The following TMEM67 variants were observed in gnomAD, a reference collection of about 807,000 sequenced individuals.
TMEM67 encodes transmembrane protein 67.
Under a neutral mutation model 136.6 loss-of-function variants are expected in TMEM67, and 124 were observed. The ratio of observed to expected loss-of-function variants is 0.91; its 90% CI spans 0.78 to 1.05. The LOEUF (loss-of-function observed/expected upper bound fraction) is 1.05. Among genes scored for constraint, TMEM67 ranks in the 50% least tolerant of loss-of-function variants. TMEM67 has a pLI of 0.00. For synonymous variants in TMEM67, 364 were observed against 390.5 expected (o/e 0.93, Z 0.80); for missense variants, 1,107 against 1,178.4 (o/e 0.94, Z 0.89).
At chr8:93,764,505 C>CACAT (rs917711747) in intron 4 of TMEM67, among the ~76,000 whole-genome samples, 1 of 144,646 alleles carries the variant, frequency 6.9e-6, no homozygotes, top group African/African-American at 2.5e-5. Flanking sequence ...TTGTGAAACA[C>CACAT]ACACACACAC....
chr8:93,792,329 G>A (rs1459100529), intron 15 of TMEM67, among the ~76,000 whole-genome samples: 3 of 151,798 alleles, frequency 2.0e-5, no homozygotes, highest in African/African-American at 4.8e-5. Flanking sequence ...ACACCACCAC[G>A]CCCAGCTAAT....
At chr8:93,810,302 T>G (rs1808652109) in intron 26 of TMEM67, among the ~76,000 whole-genome samples, 1 of 148,504 alleles carries the variant, frequency 6.7e-6, no homozygotes, top group Admixed American at 6.7e-5. Context: ...ATTTTTTGGC[T>G]AGGTGCGGTG....
chr8:93,786,523 A>G (rs779069330), intron 13 of TMEM67, among the ~76,000 whole-genome samples, 177 bp downstream of exon 13: 1 of 152,228 alleles, frequency 6.6e-6, no homozygotes, highest in South Asian at 2.1e-4. Context: ...GGGGAAAACT[A>G]TAACAGAAGA....
the TMEM67 span, among the ~76,000 whole-genome samples, chr8:93,825,923 G>A: frequency 1.3e-5 from 2 of 152,062 alleles, no homozygotes; most frequent in Admixed American, 6.6e-5. Flanking sequence ...TTACAACATC[G>A]AAGGAGGCTG....
intron 7 of TMEM67, among the ~76,000 whole-genome samples, chr8:93,775,171 G>C (rs1813485197): frequency 6.6e-6 from 1 of 152,152 alleles, no homozygotes; most frequent in East Asian, 1.9e-4. Context: ...AGAAGTGTCT[G>C]TTCATATCCT....
In TMEM67 at chr8:93,781,990, C is replaced by T. The variant is rs565012112; in HGVS notation, c.1065+246C>T. Among the ~76,000 whole-genome samples the T allele has an allele frequency of 2.6e-5, 4 of 151,952 alleles. No individual in the cohort carries two copies. The East Asian group carries it at 7.8e-4, about 30-fold the overall frequency. ...CTGGAGTGCAGTGGCGCGATCTCAG[C>T]TCACTACAAGCTCCGCCTTGCGGGT... On this transcript the variant is annotated intron_variant, in intron 10 of 27. Coordinates refer to ENST00000453321, the MANE Select transcript of TMEM67 (RefSeq NM_153704.6).
At chr8:93,769,114 G>A (rs1018072483) in intron 6 of TMEM67, among the ~76,000 whole-genome samples, 1 of 152,146 alleles carries the variant, frequency 6.6e-6, no homozygotes, top group African/African-American at 2.4e-5. Flanking sequence ...GGACAACCTG[G>A]AACACTCCAG....
chr8:93,762,778 C>T, intron 3 of TMEM67, among the ~76,000 whole-genome samples: 1 of 125,796 alleles, frequency 7.9e-6, no homozygotes. Flanking sequence ...TTTTTTTTCC[C>T]TGTTTTATTA....
Position 93,793,152 on chromosome 8 carries a change from G to A in TMEM67, c.1576-46G>A, listed in dbSNP as rs775989878. 2.8e-5 allele frequency: 43 copies of A among 1,545,640 alleles called. 1 individual carries two copies. The South Asian group carries it at 3.9e-4, about 14-fold the overall frequency. On this transcript the variant is annotated intron_variant, in intron 15 of 27. Coordinates refer to ENST00000453321, the MANE Select transcript of TMEM67 (RefSeq NM_153704.6). ...CTTGTTCACAGTGTTTTTGAACACC[G>A]ATGACAGAAATTACATAAATTCTCA... is the stretch of plus-strand genomic sequence containing the variant.
At chr8:93,775,648 G>GGATC (rs1813507383) in intron 7 of TMEM67, among the ~76,000 whole-genome samples, 1 of 152,066 alleles carries the variant, frequency 6.6e-6, no homozygotes, top group Non-Finnish European at 1.5e-5. Context: ...GGTTTGTCAA[G>GGATC]GATCAGATGG....
chr8:93,823,159 G>T (rs530019881), downstream of TMEM67, among the ~76,000 whole-genome samples: 84 of 152,262 alleles, frequency 5.5e-4, no homozygotes, highest in Admixed American at 1.6e-3. Context: ...TACAATTCTG[G>T]GTGGCAGAAG....
Position 93,775,971 on chromosome 8 carries a change from C to T in TMEM67, c.714+3320C>T, listed in dbSNP as rs186847771. ...TAGGGCCATTTTCACGATATTGATT[C>T]TTCCTATCCATGAGCATGGAGTGTA... On this transcript the variant is annotated intron_variant, in intron 7 of 27. Transcript: ENST00000453321. 2.5e-3 allele frequency among the ~76,000 whole-genome samples: 384 copies of T among 152,286 alleles called. 3 individuals carry two copies. Among genetic ancestry groups the T allele is most frequent in the African/African-American group, 8.7e-3 (362 of 41,554 alleles).
chr8:93,764,758 C>T (rs1034734209), intron 4 of TMEM67, among the ~76,000 whole-genome samples: 1 of 151,878 alleles, frequency 6.6e-6, no homozygotes, highest in Non-Finnish European at 1.5e-5. Context: ...TTTTTTTGCC[C>T]AATATTTCCC....
rs1333001024 is a variant in TMEM67, at chr8:93,815,362, T to C, written c.2822T>C (p.Ile941Thr). ...LYYGNEATLL[I>T]FDLLFFCVVD... ...TATGGAAATGAAGCTACTCTTCTTA[T>C]TTTTGATCTGCTGTTCTTCTGTGTT... Residue 941 changes from isoleucine (I) to threonine (T), a missense_variant, in exon 27 of 28, where the codon ATT becomes ACT. Ile to Thr is a moderately conservative substitution (Grantham distance 89). Coordinates refer to ENST00000453321, the MANE Select transcript of TMEM67 (RefSeq NM_153704.6). The C allele has an allele frequency of 1.2e-6, 2 of 1,611,710 alleles. No homozygotes were observed. Among genetic ancestry groups the C allele is most frequent in the Non-Finnish European group, 1.7e-6 (2 of 1,178,618 alleles).
intron 22 of TMEM67, among the ~76,000 whole-genome samples, chr8:93,804,124 A>G (rs1344531594): frequency 1.3e-5 from 2 of 151,554 alleles, no homozygotes; most frequent in South Asian, 2.1e-4. Context: ...CAGGTGATCC[A>G]GCCTCCCCAA....
At position 93,804,762 on chromosome 8, in the gene TMEM67, A is replaced by T. The variant is rs200145042; in HGVS notation, c.2323A>T (p.Ile775Leu). 6.5e-7 allele frequency: 1 copy of T among 1,534,382 alleles called. No homozygotes were observed. The highest frequency in any genetic ancestry group is 1.4e-5 in the African/African-American group (1 of 73,162). ...QFVDLCSMSNISVFLLSHKCF... is the reference protein window; with the variant it reads ...QFVDLCSMSNLSVFLLSHKCF... ...GCTTCTTTTTATTCTCTTTTTATAG[A>T]TATCAGTGTTTCTGTTATCCCACAA... The change falls in exon 23 of 28, where the codon ATA becomes TTA. Residue 775 changes from isoleucine (I) to leucine (L), a missense_variant and splice_region_variant. Coordinates refer to ENST00000453321, the MANE Select transcript of TMEM67 (RefSeq NM_153704.6).
At chr8:93,786,593 A>G (rs1020969653) in intron 13 of TMEM67, among the ~76,000 whole-genome samples, 2 of 152,200 alleles carry the variant, frequency 1.3e-5, no homozygotes, top group African/African-American at 2.4e-5. Context: ...GCTGAATTAG[A>G]ATGGGTTGCG....
At chr8:93,774,350 C>T (rs1321524257) in intron 7 of TMEM67, among the ~76,000 whole-genome samples, 5 of 152,102 alleles carry the variant, frequency 3.3e-5, no homozygotes, top group Non-Finnish European at 7.4e-5. Context: ...TAAACTTTTT[C>T]TCTTTTTATT....
At position 93,799,646 on chromosome 8, in the gene TMEM67, TG is replaced by T. The variant is rs1288029699; in HGVS notation, c.2131del (p.Asp711ThrfsTer14). On this transcript the variant is annotated frameshift_variant, in exon 21 of 28. Transcript: ENST00000453321. LOFTEE classifies it high-confidence loss of function. ...EVVGFKNLAL[M>X]DSSSSLSRNP... ...GTGGGATTCAAGAACTTAGCATTAA[TG>T]GACTCATCTTCTAGTCTTTCTAGAA... The T allele has an allele frequency of 6.2e-7, 1 of 1,613,970 alleles. No homozygotes were observed.
Sources: gnomAD v4.1 joint callset for allele counts (sites outside exome capture counted in the v4.1 genomes callset) on GRCh38, gnomAD v4.1.1 for gene constraint, MANE v1.5 for transcripts, NCBI Gene and HGNC (gene_info 2026-07-23, HGNC 2026-07-21) for gene names.